The following CCDC171 variants were observed in gnomAD, a reference collection of about 807,000 sequenced individuals.
CCDC171 encodes coiled-coil domain-containing protein 171.
Under a neutral mutation model 168.2 loss-of-function variants are expected in CCDC171, and 177 were observed. The observed-to-expected ratio is 1.05, with a 90% CI of 0.93 to 1.19. The LOEUF (loss-of-function observed/expected upper bound fraction) is 1.19, where lower values mean the gene tolerates loss of function less well. CCDC171 is among the 50% of genes most tolerant of loss of function. CCDC171 has a pLI of 0.00. For missense variants in CCDC171, 1,991 were observed against 1,539.0 expected (o/e 1.29, Z -4.91); for synonymous variants, 687 against 540.8 (o/e 1.27, Z -3.75).
intron 18 of CCDC171, among the ~76,000 whole-genome samples, chr9:15,761,779 C>G (rs967623490): frequency 6.6e-6 from 1 of 152,142 alleles, no homozygotes; most frequent in Non-Finnish European, 1.5e-5. Flanking sequence ...CACAATTTAA[C>G]TTACAGATTT....
intron 6 of CCDC171, among the ~76,000 whole-genome samples, chr9:15,613,426 A>G (rs1221487629): frequency 6.6e-6 from 1 of 152,186 alleles, no homozygotes; most frequent in Non-Finnish European, 1.5e-5. Flanking sequence ...AAGACTCAAA[A>G]CACTCATATT....
At chr9:16,094,829 A>C in the CCDC171 span, among the ~76,000 whole-genome samples, 1 of 152,218 alleles carries the variant, frequency 6.6e-6, no homozygotes, top group Admixed American at 6.5e-5. Context: ...TTGGGCAGGG[A>C]CACAGATCCA....
chr9:15,744,266 T>A lies in CCDC171; in HGVS notation c.2050-7T>A, dbSNP rs1040644912. 17 of 1,571,686 alleles carry A rather than the reference T, an allele frequency of 1.1e-5. No homozygotes were observed. The highest frequency in any genetic ancestry group is 1.5e-5 in the Non-Finnish European group (17 of 1,160,280). ...TGATCAAATATATTTTTTGACTTCTTCCATAGAAATTTCAAGAAATTGCTG... is the reference window on the plus strand; with the variant it reads ...TGATCAAATATATTTTTTGACTTCTACCATAGAAATTTCAAGAAATTGCTG... On this transcript the variant is annotated splice_polypyrimidine_tract_variant and splice_region_variant and intron_variant, in intron 16 of 25. Transcript: ENST00000380701.
chr9:15,899,962 T>G lies in CCDC171; in HGVS notation c.3601-20308T>G, dbSNP rs534749145. Among the ~76,000 whole-genome samples, 21 of 152,342 alleles carry G rather than the reference T, an allele frequency of 1.4e-4. No homozygotes were observed. The South Asian group carries it at 4.1e-3, about 30-fold the overall frequency. On this transcript the variant is annotated intron_variant, in intron 24 of 25. Coordinates refer to ENST00000380701, the MANE Select transcript of CCDC171 (RefSeq NM_173550.4). The stretch of plus-strand genomic sequence containing the variant: ...GATCCCAAAGATTTTTTCATATATT[T>G]TCTTCTAAAAGTTTCATAGCTTTAT...
intron 11 of CCDC171, 147 bp downstream of exon 11, chr9:15,695,484 G>A (rs143393373): frequency 5.9e-4 from 391 of 661,738 alleles, no homozygotes; most frequent in Non-Finnish European, 8.8e-4. Context: ...ACAGCAGTCA[G>A]TTGGCCTAGC....
chr9:15,929,117 A>G (rs1188447108), intron 25 of CCDC171, among the ~76,000 whole-genome samples: 1 of 151,576 alleles, frequency 6.6e-6, no homozygotes, highest in Admixed American at 6.6e-5. Context: ...ATATATTTAT[A>G]TAGTTCTATT....
At chr9:15,895,649 A>G (rs1206318532) in intron 24 of CCDC171, among the ~76,000 whole-genome samples, 2 of 152,136 alleles carry the variant, frequency 1.3e-5, no homozygotes, top group South Asian at 2.1e-4. Context: ...AATGATAACC[A>G]TAATAATATA....
At chr9:15,834,619 C>T (rs1183471216) in intron 21 of CCDC171, among the ~76,000 whole-genome samples, 2 of 152,056 alleles carry the variant, frequency 1.3e-5, no homozygotes, top group Admixed American at 1.3e-4. Flanking sequence ...GGAGTGCTGG[C>T]GAGTATTATT....
intron 6 of CCDC171, among the ~76,000 whole-genome samples, chr9:15,596,492 C>T (rs550640049): frequency 6.6e-6 from 1 of 152,224 alleles, no homozygotes; most frequent in East Asian, 1.9e-4. Context: ...CTGTTCTGTT[C>T]CATTGGTCTA....
intron 6 of CCDC171, among the ~76,000 whole-genome samples, chr9:15,610,443 C>CT (rs2043573613): frequency 7.3e-5 from 1 of 13,608 alleles, no homozygotes; most frequent in Non-Finnish European, 1.2e-4. Context: ...CCCATCTCAA[C>CT]TAAAAAAAAA....
At chr9:15,885,929 A>G (rs1563937898) in intron 24 of CCDC171, 1 of 152,206 alleles carries the variant, frequency 6.6e-6, no homozygotes, top group Non-Finnish European at 1.5e-5. Context: ...ATACTCAAAT[A>G]TATGTTTTCA....
At chr9:15,702,268 T>A (rs1171206209) in intron 11 of CCDC171, among the ~76,000 whole-genome samples, 1 of 152,160 alleles carries the variant, frequency 6.6e-6, no homozygotes, top group Non-Finnish European at 1.5e-5. Flanking sequence ...AGTGCTCATT[T>A]ACCATTCAAA....
intron 3 of CCDC171, among the ~76,000 whole-genome samples, chr9:15,576,326 G>T (rs545331379): frequency 6.6e-6 from 1 of 151,986 alleles, no homozygotes; most frequent in African/African-American, 2.4e-5. Flanking sequence ...AGGACTGTAG[G>T]TGTGTGCCAT....
At chr9:16,021,792 C>T (rs563711084) in intron 4 of CCDC171, among the ~76,000 whole-genome samples, 3 of 152,332 alleles carry the variant, frequency 2.0e-5, no homozygotes, top group Admixed American at 2.0e-4. Context: ...GCGATGTCCC[C>T]CTATCTCTGT....
chr9:15,863,237 C>T (rs145674961), intron 23 of CCDC171, among the ~76,000 whole-genome samples: 2 of 152,114 alleles, frequency 1.3e-5, no homozygotes, highest in Non-Finnish European at 2.9e-5. Flanking sequence ...AATAACGATG[C>T]TGTGCTGGGA....
intron 21 of CCDC171, among the ~76,000 whole-genome samples, chr9:15,785,631 G>A (rs113802328): frequency 0.03 from 4,480 of 151,466 alleles, 231 homozygotes; most frequent in African/African-American, 0.1. Context: ...AAAACACTTA[G>A]GTACTCCTCA....
chr9:15,808,101 T>C (rs774185034), intron 21 of CCDC171, among the ~76,000 whole-genome samples: 11 of 152,110 alleles, frequency 7.2e-5, no homozygotes, highest in Non-Finnish European at 1.5e-4. Context: ...AAGAAATCCA[T>C]TTCTCTTTGA....
At chr9:15,854,096 TCA>T (rs2061253813) in intron 23 of CCDC171, among the ~76,000 whole-genome samples, 5 of 150,358 alleles carry the variant, frequency 3.3e-5, no homozygotes, top group African/African-American at 1.2e-4. Context: ...GGCTTTAGGA[TCA>T]GAGTAATACT....
At chr9:15,574,935 C>G (rs1326617445) in intron 3 of CCDC171, among the ~76,000 whole-genome samples, 6 of 152,116 alleles carry the variant, frequency 3.9e-5, no homozygotes, top group Admixed American at 3.9e-4. Context: ...CTTATAGACT[C>G]ATACGTTCCA....
Sources: allele counts gnomAD v4.1 joint callset (sites outside exome capture counted in the v4.1 genomes callset), GRCh38; gene constraint gnomAD v4.1.1; transcripts MANE v1.5; gene names NCBI Gene and HGNC (gene_info 2026-07-23, HGNC 2026-07-21).